The following LDB2 variants were observed in gnomAD, a reference collection of about 807,000 sequenced individuals.
LDB2 encodes the protein LIM domain binding 2, also known as LIM domain-binding protein 2.
Under a neutral mutation model 44.3 loss-of-function variants are expected in LDB2, and 12 were observed. The observed-to-expected ratio is 0.27, with a 90% CI of 0.17 to 0.44. The LOEUF (loss-of-function observed/expected upper bound fraction) is 0.44. Ranked by LOEUF, LDB2 falls within the 20% of genes least tolerant of loss-of-function variation. The probability of loss-of-function intolerance (pLI) is 1.00; values close to 1 mark genes in which losing one functional copy is unlikely to be tolerated. For missense variants in LDB2, 344 were observed against 473.5 expected (o/e 0.73, Z 2.54); for synonymous variants, 164 against 174.8 (o/e 0.94, Z 0.49).
At chr4:16,577,109 C>A (rs1213301477) in intron 5 of LDB2, among the ~76,000 whole-genome samples, 1 of 152,128 alleles carries the variant, frequency 6.6e-6, no homozygotes, top group Non-Finnish European at 1.5e-5. Flanking sequence ...ACATGACAGA[C>A]CTACAGCTGG....
rs530412437 is a variant in LDB2, at chr4:16,839,562, C to A, written c.132+58792G>T. On this transcript the variant is annotated intron_variant, in intron 1 of 7. Coordinates refer to ENST00000304523, the MANE Select transcript of LDB2 (RefSeq NM_001290.5). The stretch of plus-strand genomic sequence containing the variant: ...TAACACCCAGTTTGGTGGTGATGAT[C>A]CTCATTCTACGTGAGCAAACTGAGG... Among the ~76,000 whole-genome samples, 6 of 152,250 alleles carry A rather than the reference C, an allele frequency of 3.9e-5. No individual in the cohort carries two copies. In the South Asian group the frequency reaches 1.0e-3, roughly 26 times the overall value.
At chr4:16,838,851 T>C (rs1297279389) in intron 1 of LDB2, among the ~76,000 whole-genome samples, 1 of 152,222 alleles carries the variant, frequency 6.6e-6, no homozygotes, top group Non-Finnish European at 1.5e-5. Flanking sequence ...TACTCTAAAA[T>C]GCACAATAGG....
chr4:16,762,691 A>G (rs983572819), intron 1 of LDB2, among the ~76,000 whole-genome samples: 9 of 152,214 alleles, frequency 5.9e-5, no homozygotes, highest in Non-Finnish European at 8.8e-5. Context: ...ATAACTCAAG[A>G]TGAGATTTGG....
At position 16,727,534 on chromosome 4, in the gene LDB2, T is replaced by C. The variant is rs372897802; in HGVS notation, c.235+31624A>G. On this transcript the variant is annotated intron_variant, in intron 2 of 7. Coordinates refer to ENST00000304523, the MANE Select transcript of LDB2 (RefSeq NM_001290.5). ...CAGTTGAAACGCATCTCTGAACCCCTTTTTGAGGTATTTCTTACCTGGCTT... is the reference window on the plus strand; with the variant it reads ...CAGTTGAAACGCATCTCTGAACCCCCTTTTGAGGTATTTCTTACCTGGCTT... Among the ~76,000 whole-genome samples the C allele has an allele frequency of 1.4e-3, 206 of 152,272 alleles. 1 individual carries two copies. The highest frequency in any genetic ancestry group is 4.7e-3 in the African/African-American group (194 of 41,560).
At chr4:16,697,980 T>A (rs757350476) in intron 2 of LDB2, among the ~76,000 whole-genome samples, 3 of 152,212 alleles carry the variant, frequency 2.0e-5, no homozygotes, top group Non-Finnish European at 4.4e-5. Context: ...TTATATTTTT[T>A]AAAAAATGAA....
intron 1 of LDB2, among the ~76,000 whole-genome samples, chr4:16,806,452 T>C (rs2109803243): frequency 6.6e-6 from 1 of 152,280 alleles, no homozygotes; most frequent in African/African-American, 2.4e-5. Context: ...TAAATGCCCA[T>C]GGGGCTGGTC....
intron 2 of LDB2, among the ~76,000 whole-genome samples, chr4:16,731,503 T>TCTTGCGTTCTCC (rs1209202641): frequency 6.6e-6 from 1 of 152,130 alleles, no homozygotes; most frequent in Non-Finnish European, 1.5e-5. Context: ...GTGTGTGCTC[T>TCTTGCGTTCTCC]CTTGCGTTCT....
At chr4:16,513,201 A>G (rs1722465361) in intron 5 of LDB2, among the ~76,000 whole-genome samples, 1 of 152,126 alleles carries the variant, frequency 6.6e-6, no homozygotes, top group Non-Finnish European at 1.5e-5. Context: ...GAGCCTTGAT[A>G]TCTCTGAAGA....
chr4:16,631,750 C>T (rs540298630), intron 2 of LDB2, among the ~76,000 whole-genome samples: 7 of 152,028 alleles, frequency 4.6e-5, no homozygotes, highest in East Asian at 3.9e-4. Context: ...ATGATAAAGG[C>T]GATGTCACTA....
At chr4:16,833,753 G>A (rs945795009) in intron 1 of LDB2, among the ~76,000 whole-genome samples, 1 of 152,150 alleles carries the variant, frequency 6.6e-6, no homozygotes, top group South Asian at 2.1e-4. Context: ...ATGTTGTCCA[G>A]GATGGTCTCG....
intron 1 of LDB2, among the ~76,000 whole-genome samples, chr4:16,819,428 A>C (rs1413755441): frequency 7.5e-6 from 1 of 133,150 alleles, no homozygotes; most frequent in African/African-American, 2.9e-5. Context: ...TCAAAGAAGA[A>C]CCCTCCCTGA....
At chr4:16,873,459 T>C (rs994553808) in intron 1 of LDB2, among the ~76,000 whole-genome samples, 2 of 152,130 alleles carry the variant, frequency 1.3e-5, no homozygotes, top group Non-Finnish European at 2.9e-5. Context: ...GGGGTTAACC[T>C]TGACGGTGTT....
At chr4:16,634,535 A>G (rs1300317576) in intron 2 of LDB2, among the ~76,000 whole-genome samples, 2 of 152,246 alleles carry the variant, frequency 1.3e-5, no homozygotes, top group Admixed American at 6.5e-5. Context: ...CAACAGACAC[A>G]TGAAAAAATG....
intron 2 of LDB2, among the ~76,000 whole-genome samples, chr4:16,720,948 C>A (rs1758140150): frequency 6.6e-6 from 1 of 152,118 alleles, no homozygotes; most frequent in East Asian, 1.9e-4. Flanking sequence ...ATGGAAAGCT[C>A]TCCATCTGTC....
chr4:16,854,504 T>TACACACACACACACACAC (rs61445499), intron 1 of LDB2, among the ~76,000 whole-genome samples: 2 of 145,214 alleles, frequency 1.4e-5, no homozygotes, highest in Non-Finnish European at 3.0e-5. Context: ...TAAATATAAA[T>TACACACACACACACACAC]ACACACACAC....
At position 16,763,477 on chromosome 4, in the gene LDB2, G is replaced by C. The variant is rs1308809473; in HGVS notation, c.133-4217C>G. ...ACACACACACACACACACACACACA[G>C]AGTTTTTGAATTAGTCTTTAGTTAT... On this transcript the variant is annotated intron_variant, in intron 1 of 7. Transcript: ENST00000304523. 1.1e-4 allele frequency among the ~76,000 whole-genome samples: 6 copies of C among 54,588 alleles called. No individual in the cohort carries two copies. The East Asian group carries it at 2.0e-3, about 18-fold the overall frequency. The allele number at this position is 54,588 out of a possible 152,430, so 35.8% of individuals were successfully genotyped here.
At chr4:16,775,490 G>A (rs980568807) in intron 1 of LDB2, among the ~76,000 whole-genome samples, 3 of 152,118 alleles carry the variant, frequency 2.0e-5, no homozygotes, top group Non-Finnish European at 4.4e-5. Context: ...GCTACTATGA[G>A]AATTAAATTA....
chr4:16,575,687 G>A (rs1748037010), intron 5 of LDB2, among the ~76,000 whole-genome samples: 1 of 152,230 alleles, frequency 6.6e-6, no homozygotes, highest in South Asian at 2.1e-4. Flanking sequence ...AAAATGAGAC[G>A]ATATGCTCCT....
chr4:16,662,112 T>G (rs780719531), intron 2 of LDB2, among the ~76,000 whole-genome samples: 5 of 152,210 alleles, frequency 3.3e-5, no homozygotes, highest in Admixed American at 6.5e-5. Flanking sequence ...GCAAATTCTC[T>G]TTGTAAATAC....
Sources: allele counts gnomAD v4.1 joint callset (sites outside exome capture counted in the v4.1 genomes callset), GRCh38; gene constraint gnomAD v4.1.1; transcripts MANE v1.5; gene names NCBI Gene and HGNC (gene_info 2026-07-23, HGNC 2026-07-21).